Variants in BRWD1 observed in about 807,000 individuals in gnomAD.
The protein encoded by BRWD1 is bromodomain and WD repeat domain containing 1.
Under a neutral mutation model 251.2 loss-of-function variants are expected in BRWD1, and 82 were observed. That is an observed-to-expected ratio of 0.33 (90% CI 0.27 to 0.39). The LOEUF (loss-of-function observed/expected upper bound fraction) is 0.39, where lower values mean the gene tolerates loss of function less well. Ranked by LOEUF, BRWD1 falls within the 10% of genes least tolerant of loss-of-function variation. The pLI, the probability that BRWD1 is intolerant of heterozygous loss-of-function variation, is 1.00. For synonymous variants in BRWD1, 918 were observed against 902.8 expected, an observed-to-expected ratio of 1.02 and a Z score of -0.30; for missense variants, 2,233 against 2,711.6, an observed-to-expected ratio of 0.82 and a Z score of 3.92.
At chr21:39,202,651 G>C (rs772381396) in intron 37 of BRWD1, 106 bp from the exon 38 acceptor site, 50 of 718,086 alleles carry the variant, frequency 7.0e-5, no homozygotes, top group Non-Finnish European at 9.5e-5. Context: ...TAAACTGAGA[G>C]TAATTTTATC....
Position 39,229,221 on chromosome 21 carries a change from T to G in BRWD1, c.3125+91A>C, listed in dbSNP as rs541574971. The G allele has an allele frequency of 8.7e-6, 10 of 1,153,924 alleles. No homozygotes were observed. In the East Asian group the frequency reaches 1.8e-4, roughly 21 times the overall value. 71.5% of individuals were successfully genotyped at this position (1,153,924 alleles called of 1,614,324 possible). ...ATCCACAGTGCTCTACCAGTTACCC[T>G]GGAGTTAAATGGGAAGGGCATGCTA... On this transcript the variant is annotated intron_variant, in intron 26 of 40. Coordinates refer to ENST00000342449, the MANE Select transcript of BRWD1 (RefSeq NM_033656.4).
chr21:39,254,875 C>A lies in BRWD1; in HGVS notation c.2255+770G>T, dbSNP rs145589526. Among the ~76,000 whole-genome samples, 437 of 152,258 alleles carry A rather than the reference C, an allele frequency of 2.9e-3. 2 individuals carry two copies. Among genetic ancestry groups the A allele is most frequent in the African/African-American group, 1.0e-2 (414 of 41,558 alleles). On this transcript the variant is annotated intron_variant, in intron 19 of 40. Transcript: ENST00000342449. ...ACTTATGAAGCAGTCTTGCAAAAAACTGAAAACATTTATGACACCTGAAAC... is the reference window on the plus strand; with the variant it reads ...ACTTATGAAGCAGTCTTGCAAAAAAATGAAAACATTTATGACACCTGAAAC...
At chr21:39,310,716 G>A (rs1035147829) in intron 4 of BRWD1, among the ~76,000 whole-genome samples, 15 of 152,118 alleles carry the variant, frequency 9.9e-5, no homozygotes, top group Non-Finnish European at 1.6e-4. Flanking sequence ...TCGAGACAGG[G>A]TCTCGCTCAC....
intron 40 of BRWD1, among the ~76,000 whole-genome samples, chr21:39,197,760 C>T (rs1347790377): frequency 6.6e-6 from 1 of 152,166 alleles, no homozygotes; most frequent in Non-Finnish European, 1.5e-5. Context: ...GCAGTTGTCA[C>T]ACAATGGTAA....
In BRWD1 at chr21:39,275,344, A is replaced by C. The variant is rs2035247213; in HGVS notation, c.1145+829T>G. ...TTAGAAAAGTTTTTTTTAACTACCCAAACAAGAAATTTAATGATCCTTACA... is the reference window on the plus strand; with the variant it reads ...TTAGAAAAGTTTTTTTTAACTACCCCAACAAGAAATTTAATGATCCTTACA... On this transcript the variant is annotated intron_variant, in intron 12 of 40. Coordinates refer to ENST00000342449, the MANE Select transcript of BRWD1 (RefSeq NM_033656.4). Among the ~76,000 whole-genome samples the C allele has an allele frequency of 2.0e-5, 3 of 152,186 alleles. No individual in the cohort carries two copies. In the South Asian group the frequency reaches 6.2e-4, roughly 31 times the overall value.
At position 39,190,788 on chromosome 21, in the gene BRWD1, A is replaced by G; in HGVS notation, c.*5471T>C. The G allele has an allele frequency of 1.0e-6, 1 of 985,360 alleles. No individual in the cohort carries two copies. Among genetic ancestry groups the G allele is most frequent in the Non-Finnish European group, 1.2e-6 (1 of 829,914 alleles). 61.0% of individuals were successfully genotyped at this position (985,360 alleles called of 1,614,324 possible). On this transcript the variant is annotated 3_prime_UTR_variant, in exon 41 of 41. Coordinates refer to ENST00000342449, the MANE Select transcript of BRWD1 (RefSeq NM_033656.4). ...TTCCGTTTTCTAGGGGGAGCTGGTAACACTGCAGTATGGCAGCATCAGGTC... is the reference window on the plus strand; with the variant it reads ...TTCCGTTTTCTAGGGGGAGCTGGTAGCACTGCAGTATGGCAGCATCAGGTC...
chr21:39,187,539 T>C lies in BRWD1; in HGVS notation c.*8720A>G. 1 of 1,400,696 alleles carries C rather than the reference T, an allele frequency of 7.1e-7. No individual in the cohort carries two copies. The highest frequency in any genetic ancestry group is 1.7e-5 in the South Asian group (1 of 58,582). 86.8% of individuals were successfully genotyped at this position (1,400,696 alleles called of 1,614,324 possible). A position where few individuals can be genotyped will look rare whatever the true frequency, so the allele number is the denominator to read the frequency against. Reference sequence around the variant, plus strand: ...TAAATTTAAAAGTCATATTGCTAAATGATAAATTTTAAAATGTGATACTAA... The same window carrying C: ...TAAATTTAAAAGTCATATTGCTAAACGATAAATTTTAAAATGTGATACTAA... On this transcript the variant is annotated 3_prime_UTR_variant, in exon 41 of 41. Transcript: ENST00000342449.
rs766029484 is a variant in BRWD1, at chr21:39,255,684, C to T, written c.2216G>A (p.Arg739Gln). ...TGGTACCTCTGGTACAACCACTCTT[C>T]GTTTCCAAGCCTGCAGGTCACGTTC... ...ATERDLQAWK[R>Q]RVVVPEVPLG... Residue 739 changes from arginine to glutamine, a missense_variant, in exon 19 of 41, where the codon CGA (arginine) becomes CAA (glutamine). Arg to Gln is a conservative substitution (Grantham distance 43, BLOSUM62 1). Transcript: ENST00000342449. 1.9e-6 allele frequency: 3 copies of T among 1,614,166 alleles called. No homozygotes were observed. Among genetic ancestry groups the T allele is most frequent in the East Asian group, 2.2e-5 (1 of 44,886 alleles).
intron 8 of BRWD1, among the ~76,000 whole-genome samples, chr21:39,288,529 CAGTT>C (rs141391952): frequency 0.015 from 2,316 of 152,222 alleles, 58 homozygotes; most frequent in African/African-American, 0.053. Context: ...TTTAGAAGTA[CAGTT>C]AGTTGACCCT....
chr21:39,224,234 A>G (rs981015902), intron 29 of BRWD1, among the ~76,000 whole-genome samples, 174 bp downstream of exon 29: 1 of 152,232 alleles, frequency 6.6e-6, no homozygotes. Flanking sequence ...ATCTAAGGTC[A>G]AGAATTAACA....
At chr21:39,311,920 A>C (rs1041271335) in intron 4 of BRWD1, among the ~76,000 whole-genome samples, 4 of 152,174 alleles carry the variant, frequency 2.6e-5, no homozygotes, top group Non-Finnish European at 2.9e-5. Context: ...CTCAAGTGTT[A>C]CAGGTCTTCC....
chr21:39,315,941 TACAA>T (rs2036694000), upstream of BRWD1: 1 of 152,218 alleles, frequency 6.6e-6, no homozygotes, highest in East Asian at 1.9e-4. Flanking sequence ...ATTTCGCACA[TACAA>T]ACAACAGAGG....
chr21:39,319,217 T>A (rs2036726063), intron 1 of BRWD1, among the ~76,000 whole-genome samples: 1 of 152,220 alleles, frequency 6.6e-6, no homozygotes, highest in Non-Finnish European at 1.5e-5. Flanking sequence ...TTCTTCCTTT[T>A]AAGTCTAACC....
Position 39,225,078 on chromosome 21 carries a change from A to G in BRWD1, c.3320+8T>C, listed in dbSNP as rs1568886608. ...TGGGAAATGATTAGTTTTCATCTGT[A>G]TACAAACCTAACAATATAACACTGG... is the stretch of plus-strand genomic sequence containing the variant. On this transcript the variant is annotated splice_region_variant and intron_variant, in intron 28 of 40. Coordinates refer to ENST00000342449, the MANE Select transcript of BRWD1 (RefSeq NM_033656.4). The G allele has an allele frequency of 1.3e-6, 2 of 1,545,108 alleles. No homozygotes were observed. Among genetic ancestry groups the G allele is most frequent in the Non-Finnish European group, 1.8e-6 (2 of 1,117,506 alleles).
intron 1 of BRWD1, among the ~76,000 whole-genome samples, chr21:39,319,702 C>T (rs2036730224): frequency 6.6e-6 from 1 of 152,136 alleles, no homozygotes; most frequent in African/African-American, 2.4e-5. Flanking sequence ...CTGTGAAGCT[C>T]GCTGAACAAT....
chr21:39,268,256 T>A (rs1300822646), intron 15 of BRWD1, among the ~76,000 whole-genome samples: 2 of 152,038 alleles, frequency 1.3e-5, no homozygotes, highest in Non-Finnish European at 2.9e-5. Flanking sequence ...CTGGCCAAGA[T>A]GGTGAAACCC....
upstream of BRWD1, chr21:39,314,191 C>T (rs1311621808): frequency 1.1e-5 from 5 of 455,916 alleles, no homozygotes; most frequent in African/African-American, 2.0e-5. Context: ...CCGCGCCTCC[C>T]GCAGAGGGGA....
At chr21:39,218,742 AG>A (rs2033054670) in intron 29 of BRWD1, 82 bp from the exon 30 acceptor site, 1 of 1,164,598 alleles carries the variant, frequency 8.6e-7, no homozygotes, top group South Asian at 2.1e-5. Flanking sequence ...CAATTTTCAT[AG>A]CTTATAAAAC....
intron 21 of BRWD1, among the ~76,000 whole-genome samples, chr21:39,243,081 G>C (rs535154660): frequency 1.3e-5 from 2 of 152,254 alleles, no homozygotes; most frequent in East Asian, 3.9e-4. Context: ...TTTTACCATA[G>C]AGAAACCTGC....
Sources: allele counts gnomAD v4.1 joint callset (sites outside exome capture counted in the v4.1 genomes callset), GRCh38; gene constraint gnomAD v4.1.1; transcripts MANE v1.5; gene names NCBI Gene and HGNC (gene_info 2026-07-23, HGNC 2026-07-21).